Variants in CHLSN observed in about 807,000 individuals in gnomAD.
The protein encoded by CHLSN is cholesin, also known as protein cholesin.
the CHLSN span, among the ~76,000 whole-genome samples, chr7:1,124,871 G>A: frequency 6.6e-6 from 1 of 152,320 alleles, no homozygotes; most frequent in African/African-American, 2.4e-5. Flanking sequence ...CGCTGCGCGG[G>A]AGCCGCAGGA....
the CHLSN span, among the ~76,000 whole-genome samples, chr7:1,007,759 G>A: frequency 6.6e-6 from 1 of 152,186 alleles, no homozygotes; most frequent in Non-Finnish European, 1.5e-5. Context: ...GGGGGGTTGC[G>A]AGTAGCATGA....
the CHLSN span, among the ~76,000 whole-genome samples, chr7:1,065,279 T>C: frequency 6.6e-6 from 1 of 151,808 alleles, no homozygotes; most frequent in Non-Finnish European, 1.5e-5. Context: ...AAATTAAACA[T>C]GGTTAACATC....
At chr7:1,079,634 C>G in the CHLSN span, among the ~76,000 whole-genome samples, 1 of 152,176 alleles carries the variant, frequency 6.6e-6, no homozygotes, top group East Asian at 1.9e-4. Context: ...AGACGTGTGA[C>G]GGGAAGTGGC....
the CHLSN span, among the ~76,000 whole-genome samples, chr7:1,083,499 A>T: frequency 6.6e-6 from 1 of 151,964 alleles, no homozygotes; most frequent in Non-Finnish European, 1.5e-5. Context: ...CTGGTGGCAG[A>T]CGCCTGTAGT....
At chr7:1,077,201 G>A in the CHLSN span, among the ~76,000 whole-genome samples, 1 of 152,146 alleles carries the variant, frequency 6.6e-6, no homozygotes, top group Non-Finnish European at 1.5e-5. Context: ...TGTCGCCCAG[G>A]CTGGAGTGCA....
chr7:1,110,199 C>G, the CHLSN span, among the ~76,000 whole-genome samples: 2 of 152,292 alleles, frequency 1.3e-5, no homozygotes, highest in African/African-American at 4.8e-5. Context: ...AAAATCCCCA[C>G]GCAGCCGCTC....
At chr7:1,011,387 CCAGA>C in the CHLSN span, among the ~76,000 whole-genome samples, 1 of 149,622 alleles carries the variant, frequency 6.7e-6, no homozygotes, top group African/African-American at 2.5e-5. Flanking sequence ...CCACAGACAC[CCAGA>C]CACCCACAGA....
chr7:1,059,653 AGGGG>A, the CHLSN span, among the ~76,000 whole-genome samples: 3 of 28,128 alleles, frequency 1.1e-4, no homozygotes, highest in Non-Finnish European at 2.0e-4. Context: ...GGCAGGTCTT[AGGGG>A]GGCGGGTCCA....
At chr7:988,964 C>T in the CHLSN span, 1,416 of 596,802 alleles carry the variant, frequency 2.4e-3, no homozygotes, top group Non-Finnish European at 3.6e-3. Flanking sequence ...CCCACAGGGT[C>T]AGCAACTGCT....
the CHLSN span, among the ~76,000 whole-genome samples, chr7:1,034,660 T>C: frequency 6.6e-6 from 1 of 152,218 alleles, no homozygotes; most frequent in Non-Finnish European, 1.5e-5. Context: ...AGGTTTGTTA[T>C]ACAGGTAAAC....
At chr7:1,091,489 A>T in the CHLSN span, 2 of 488,584 alleles carry the variant, frequency 4.1e-6, no homozygotes, top group African/African-American at 1.9e-5. Flanking sequence ...GAGCACGCGG[A>T]GGGCCCTCGC....
At chr7:1,062,147 C>CA in the CHLSN span, among the ~76,000 whole-genome samples, 17 of 152,058 alleles carry the variant, frequency 1.1e-4, no homozygotes, top group African/African-American at 3.4e-4. Context: ...TGTTTATCCA[C>CA]AAAAAAACCT....
the CHLSN span, among the ~76,000 whole-genome samples, chr7:1,121,878 G>A: frequency 6.6e-4 from 99 of 151,104 alleles, no homozygotes; most frequent in African/African-American, 2.3e-3. Context: ...CTCACACAGG[G>A]CAGCGTGCTG....
At chr7:995,963 G>A in the CHLSN span, among the ~76,000 whole-genome samples, 16 of 152,340 alleles carry the variant, frequency 1.1e-4, no homozygotes, top group South Asian at 4.1e-4. Context: ...CTGGGGACAC[G>A]GTCCTTAGGG....
the CHLSN span, among the ~76,000 whole-genome samples, chr7:1,078,813 C>A: frequency 4.6e-5 from 7 of 152,260 alleles, no homozygotes; most frequent in African/African-American, 1.7e-4. Flanking sequence ...GTGAGGGGCA[C>A]ATGGAGTGAA....
At chr7:1,111,182 T>C in the CHLSN span, among the ~76,000 whole-genome samples, 2 of 152,264 alleles carry the variant, frequency 1.3e-5, no homozygotes, top group Non-Finnish European at 2.9e-5. Flanking sequence ...CGGCACCAGA[T>C]ATAACATGTC....
At chr7:1,035,202 CT>C in the CHLSN span, among the ~76,000 whole-genome samples, 1 of 148,498 alleles carries the variant, frequency 6.7e-6, no homozygotes, top group Admixed American at 6.7e-5. Context: ...GTGAACAGTG[CT>C]GGGCTGGTGT....
At chr7:1,047,648 G>A in the CHLSN span, among the ~76,000 whole-genome samples, 2 of 152,254 alleles carry the variant, frequency 1.3e-5, no homozygotes, top group Admixed American at 6.5e-5. Flanking sequence ...AAGGTTGAGC[G>A]TCTCATGGTG....
At chr7:1,088,968 T>A in the CHLSN span, among the ~76,000 whole-genome samples, 1 of 152,228 alleles carries the variant, frequency 6.6e-6, no homozygotes, top group Admixed American at 6.5e-5. The surrounding 1 kb of genome is among the most constrained non-coding windows in gnomAD (Gnocchi z 4.5). Flanking sequence ...GGGAAAGAAA[T>A]GAATGACTCG....
Sources: gnomAD v4.1 joint callset for allele counts (sites outside exome capture counted in the v4.1 genomes callset) on GRCh38, gnomAD v4.1.1 for gene constraint, Gnocchi (gnomAD v3.1) non-coding constraint, MANE v1.5 for transcripts, NCBI Gene and HGNC (gene_info 2026-07-23, HGNC 2026-07-21) for gene names.